The following TG variants were observed in gnomAD, a reference collection of about 807,000 sequenced individuals.
The protein encoded by TG is thyroid hormones.
Under a neutral mutation model 324.7 loss-of-function variants are expected in TG, and 270 were observed. The ratio of observed to expected loss-of-function variants is 0.83; its 90% CI spans 0.75 to 0.92. The LOEUF is 0.92. TG is among the 40% of genes least tolerant of loss of function. The pLI is 0.00. For synonymous variants in TG, 1,401 were observed against 1,327.0 expected (o/e 1.06, Z -1.21); for missense variants, 3,591 against 3,456.4 (o/e 1.04, Z -0.98).
intron 34 of TG, among the ~76,000 whole-genome samples, chr8:132,980,488 C>T (rs1830693075): frequency 6.6e-6 from 1 of 152,102 alleles, no homozygotes; most frequent in Non-Finnish European, 1.5e-5. Context: ...TGCACCCCTT[C>T]CTTTTGGCTG....
At chr8:133,047,714 T>C in intron 41 of TG, 1 of 734,086 alleles carries the variant, frequency 1.4e-6, no homozygotes, top group East Asian at 2.6e-5. Context: ...TTAACTACAT[T>C]GGATCAATTT....
In TG at chr8:133,030,012, G is replaced by T; in HGVS notation, c.7228G>T (p.Ala2410Ser). ...RATNSQLFRR[A>S]VLMGGSALSP... ...CACCAACTCCCAACTTTTCCGGAGAGCTGTGCTGATGGTAAGTGGTGTGTG... is the reference window on the plus strand; with the variant it reads ...CACCAACTCCCAACTTTTCCGGAGATCTGTGCTGATGGTAAGTGGTGTGTG... Residue 2410 changes from alanine (A) to serine (S), a missense_variant, in exon 41 of 48, where the codon GCT (alanine) becomes TCT (serine). Transcript: ENST00000220616. 1 of 1,614,248 alleles carries T rather than the reference G, an allele frequency of 6.2e-7. No individual in the cohort carries two copies. The highest frequency in any genetic ancestry group is 2.2e-5 in the East Asian group (1 of 44,876).
At chr8:133,132,518 G>A (rs571350486) in intron 46 of TG, among the ~76,000 whole-genome samples, 21 of 152,232 alleles carry the variant, frequency 1.4e-4, no homozygotes, top group Middle Eastern at 3.4e-3. Context: ...AAGTATACTC[G>A]CTGTCCCCAC....
chr8:132,904,048 C>T (rs1028733978), intron 16 of TG, among the ~76,000 whole-genome samples: 1 of 152,206 alleles, frequency 6.6e-6, no homozygotes, highest in African/African-American at 2.4e-5. Flanking sequence ...AAAATCCTGC[C>T]TCCAGTGGGC....
intron 41 of TG, among the ~76,000 whole-genome samples, chr8:133,034,960 T>C (rs996572801): frequency 3.3e-5 from 5 of 152,278 alleles, no homozygotes; most frequent in Non-Finnish European, 4.4e-5. Flanking sequence ...ATCATGCTTG[T>C]TCATATTTTT....
chr8:133,038,296 A>G, intron 41 of TG: 1 of 576,142 alleles, frequency 1.7e-6, no homozygotes, highest in East Asian at 2.9e-5. Context: ...CCGACATGTC[A>G]TGATCCAATG....
chr8:132,888,334 C>A lies in TG; in HGVS notation c.2527C>A (p.Gln843Lys). 6.2e-7 allele frequency: 1 copy of A among 1,614,188 alleles called. No homozygotes were observed. Among genetic ancestry groups the A allele is most frequent in the Non-Finnish European group, 8.5e-7 (1 of 1,180,036 alleles). ...FPVLSQYPSL[Q>K]DVPLAALEGK... ...GGTGCTGTCACAATACCCTTCTCTG[C>A]AAGATGTCCCACTAGCAGCACTGGA... The change falls in exon 10 of 48, where the codon CAA (glutamine) becomes AAA (lysine). Residue 843 changes from glutamine to lysine, a missense_variant. Physicochemically the swap from Gln to Lys is moderately conservative, Grantham distance 53. Coordinates refer to ENST00000220616, the MANE Select transcript of TG (RefSeq NM_003235.5).
chr8:133,026,187 T>G (rs1332715862), intron 40 of TG, among the ~76,000 whole-genome samples: 1 of 152,234 alleles, frequency 6.6e-6, no homozygotes, highest in Non-Finnish European at 1.5e-5. Flanking sequence ...CAGCCCCTCG[T>G]GAGCATCATC....
Position 133,011,923 on chromosome 8 carries a change from C to G in TG, c.6285C>G (p.Ser2095=), listed in dbSNP as rs774564464. 6 of 1,614,064 alleles carry G rather than the reference C, an allele frequency of 3.7e-6. No homozygotes were observed. Among genetic ancestry groups the G allele is most frequent in the Non-Finnish European group, 5.1e-6 (6 of 1,180,050 alleles). ...TAGTGTCTCTGGACTCGTGGCAGTCCCTGGCCCTCTCTTCAGTGGTTGTTG... is the reference window on the plus strand; with the variant it reads ...TAGTGTCTCTGGACTCGTGGCAGTCGCTGGCCCTCTCTTCAGTGGTTGTTG... ...TEKVSLDSWQ[S]LALSSVVVDP... is the part of the protein sequence containing the mutation. The change falls in exon 36 of 48, where the codon TCC becomes TCG. Residue 2095 remains serine, a synonymous_variant. Transcript: ENST00000220616.
chr8:133,098,174 C>T (rs1017091614), intron 43 of TG, among the ~76,000 whole-genome samples: 1 of 152,208 alleles, frequency 6.6e-6, no homozygotes, highest in African/African-American at 2.4e-5. Flanking sequence ...TGCCACTCTC[C>T]TCCACTGCCT....
At chr8:133,083,404 G>A (rs928456197) in intron 41 of TG, among the ~76,000 whole-genome samples, 2 of 152,156 alleles carry the variant, frequency 1.3e-5, no homozygotes, top group African/African-American at 4.8e-5. Context: ...AAATGAATGA[G>A]GTAAATATTC....
At chr8:133,075,756 C>T (rs1433237722) in intron 41 of TG, among the ~76,000 whole-genome samples, 1 of 151,978 alleles carries the variant, frequency 6.6e-6, no homozygotes, top group Non-Finnish European at 1.5e-5. Flanking sequence ...ATCATTGTGG[C>T]ACCAACCTAA....
chr8:132,996,113 G>A (rs11779360), intron 35 of TG, among the ~76,000 whole-genome samples: 46,293 of 152,034 alleles, frequency 0.3, 7,292 homozygotes, highest in Non-Finnish European at 0.34. Context: ...CACAAGTTGT[G>A]ATCTTGGCCA....
intron 41 of TG, among the ~76,000 whole-genome samples, chr8:133,045,803 C>T (rs1158688930): frequency 1.3e-5 from 2 of 152,094 alleles, no homozygotes; most frequent in Non-Finnish European, 2.9e-5. Context: ...GATCCATGGT[C>T]GTTTTTGGAC....
intron 22 of TG, among the ~76,000 whole-genome samples, chr8:132,928,519 G>A (rs994412549): frequency 1.3e-5 from 2 of 152,104 alleles, no homozygotes; most frequent in African/African-American, 4.8e-5. Flanking sequence ...ATGAGCTTGT[G>A]ACTGTTATTC....
chr8:133,093,144 T>C (rs75708360), intron 41 of TG, among the ~76,000 whole-genome samples: 70 of 83,718 alleles, frequency 8.4e-4, no homozygotes, highest in African/African-American at 2.1e-3. Flanking sequence ...CTTTTCTTTT[T>C]TTTTTTTAAT....
intron 39 of TG, among the ~76,000 whole-genome samples, chr8:133,020,814 G>C (rs1564080590): frequency 6.6e-6 from 1 of 152,196 alleles, no homozygotes. Flanking sequence ...AAGATCAAAT[G>C]AGACACTCTA....
intron 3 of TG, among the ~76,000 whole-genome samples, chr8:132,870,344 C>G (rs1839367849): frequency 6.7e-6 from 1 of 148,668 alleles, no homozygotes; most frequent in Admixed American, 6.8e-5. Flanking sequence ...GGATTAAAAG[C>G]TCTGTTTGGG....
intron 40 of TG, among the ~76,000 whole-genome samples, chr8:133,029,404 G>A (rs1390899884): frequency 6.6e-6 from 1 of 152,132 alleles, no homozygotes; most frequent in Admixed American, 6.5e-5. Context: ...CACCTGAAGG[G>A]GTCAAAGACA....
Sources: gnomAD v4.1 joint callset for allele counts (sites outside exome capture counted in the v4.1 genomes callset) on GRCh38, gnomAD v4.1.1 for gene constraint, MANE v1.5 for transcripts, NCBI Gene and HGNC (gene_info 2026-07-23, HGNC 2026-07-21) for gene names.